Variants in TMEM260 observed in about 807,000 individuals in gnomAD.
TMEM260 encodes the protein protein O-mannosyl-transferase TMEM260.
TMEM260 carries 82 observed loss-of-function variants against 88.9 expected under a neutral mutation model. The ratio of observed to expected loss-of-function variants is 0.92; its 90% CI spans 0.77 to 1.11. TMEM260 has a LOEUF of 1.11. Among genes scored for constraint, TMEM260 ranks in the 50% least tolerant of loss-of-function variants. The pLI, the probability that TMEM260 is intolerant of heterozygous loss-of-function variation, is 0.00. For synonymous variants in TMEM260, 314 were observed against 309.3 expected, an observed-to-expected ratio of 1.02 and a Z score of -0.16; for missense variants, 902 against 853.4, an observed-to-expected ratio of 1.06 and a Z score of -0.71.
At chr14:56,580,177 C>T (rs975798065) in intron 1 of TMEM260, 103 bp downstream of exon 1, 1 of 1,001,308 alleles carries the variant, frequency 1.0e-6, no homozygotes, top group Middle Eastern at 3.4e-4. Context: ...CTGGTCAGCT[C>T]TGGGCCTCCA....
intron 12 of TMEM260, among the ~76,000 whole-genome samples, chr14:56,627,508 T>C (rs574692419): frequency 3.3e-5 from 5 of 152,194 alleles, no homozygotes; most frequent in Non-Finnish European, 7.3e-5. Flanking sequence ...ATTTTAACTA[T>C]AATAAAATTA....
chr14:56,579,775 T>G (rs886075040), upstream of TMEM260: 3 of 744,054 alleles, frequency 4.0e-6, no homozygotes, highest in African/African-American at 5.5e-5. Context: ...CGGAGAAAGG[T>G]GCGGTCCAAC....
At chr14:56,636,731 C>T (rs1283858052) in intron 15 of TMEM260, 133 bp downstream of exon 15, 19 of 763,434 alleles carry the variant, frequency 2.5e-5, no homozygotes, top group Non-Finnish European at 3.8e-5. Flanking sequence ...TGGTATAAAG[C>T]AGCACATATG....
chr14:56,617,460 GC>G (rs1245650825), intron 9 of TMEM260, among the ~76,000 whole-genome samples, 163 bp downstream of exon 9: 1 of 148,334 alleles, frequency 6.7e-6, no homozygotes, highest in Non-Finnish European at 1.5e-5. Context: ...TACAGCTAAG[GC>G]CTCTTTTTAG....
In TMEM260 at chr14:56,585,900, T is replaced by G; in HGVS notation, c.332T>G (p.Phe111Cys). ...FGAVAASLLFFTVFRLSGSSA... is the reference protein window; with the variant it reads ...FGAVAASLLFCTVFRLSGSSA... ...GCAGTAGCTGCATCATTACTTTTTT[T>G]CACCGTTTTCAGGTAAAGTAGTTGA... Residue 111 changes from phenylalanine (F) to cysteine (C), a missense_variant, in exon 3 of 16, where the codon TTC (phenylalanine) becomes TGC (cysteine). Transcript: ENST00000261556. The G allele has an allele frequency of 6.2e-7, 1 of 1,612,266 alleles. No homozygotes were observed. Among genetic ancestry groups the G allele is most frequent in the Non-Finnish European group, 8.5e-7 (1 of 1,179,358 alleles).
chr14:56,617,320 C>A, intron 9 of TMEM260, 23 bp downstream of exon 9: 1 of 1,474,716 alleles, frequency 6.8e-7, no homozygotes, highest in Admixed American at 2.0e-5. Context: ...TAGATATATC[C>A]TTTGACCAGA....
chr14:56,608,632 C>T (rs866358760), intron 5 of TMEM260, among the ~76,000 whole-genome samples: 3 of 151,986 alleles, frequency 2.0e-5, no homozygotes, highest in Non-Finnish European at 2.9e-5. Context: ...ATGTTCAAAA[C>T]GCTTGTAGAA....
intron 3 of TMEM260, among the ~76,000 whole-genome samples, chr14:56,589,906 G>A (rs1471984161): frequency 3.3e-5 from 5 of 152,108 alleles, no homozygotes; most frequent in South Asian, 2.1e-4. Flanking sequence ...TAGAGAATGC[G>A]GAATCTCTTG....
At position 56,605,631 on chromosome 14, in the gene TMEM260, T is replaced by C. The variant is rs1886850192; in HGVS notation, c.584T>C (p.Leu195Pro). The C allele has an allele frequency of 1.3e-6, 2 of 1,597,182 alleles. No homozygotes were observed. The change falls in exon 5 of 16, where the codon CTC (leucine) becomes CCC (proline). Residue 195 changes from leucine to proline, a missense_variant. Physicochemically the swap from Leu to Pro is moderately conservative, Grantham distance 98. Transcript: ENST00000261556. ...TTATGTAACCAGCACACAATAATAC[T>C]CTATGTTTTGTGCATAATACCTTGG... Reference protein sequence around the residue: ...LSLCNQHTIILYVLCIIPWIL... With the variant: ...LSLCNQHTIIPYVLCIIPWIL...
At chr14:56,654,264 C>A (rs954471184), downstream of TMEM260, among the ~76,000 whole-genome samples, 1 of 152,096 alleles carries the variant, frequency 6.6e-6, no homozygotes, top group Non-Finnish European at 1.5e-5. Context: ...AGAAAAAAGT[C>A]ACTTTGAAAT....
At position 56,647,667 on chromosome 14, in the gene TMEM260, G is replaced by T. The variant is rs4901706; in HGVS notation, c.*170G>T. ...TTTAATGGGGTATTCAGTGACTAAG[G>T]TCTGCTATTTATGCAAAATTCTGTT... On this transcript the variant is annotated 3_prime_UTR_variant, in exon 16 of 16. Transcript: ENST00000261556. The T allele has an allele frequency of 4.4e-6, 3 of 675,398 alleles. No homozygotes were observed. Among genetic ancestry groups the T allele is most frequent in the African/African-American group, 1.9e-5 (1 of 52,974 alleles). 41.8% of individuals were successfully genotyped at this position (675,398 alleles called of 1,614,324 possible). A position where few individuals can be genotyped will look rare whatever the true frequency, so the allele number is the denominator to read the frequency against.
At chr14:56,642,568 A>G (rs989802343) in intron 15 of TMEM260, among the ~76,000 whole-genome samples, 11 of 152,208 alleles carry the variant, frequency 7.2e-5, no homozygotes, top group African/African-American at 2.4e-5. Flanking sequence ...AAAGATCTAA[A>G]ATTGACACCC....
chr14:56,650,020 G>A (rs1365931344), downstream of TMEM260: 13 of 437,904 alleles, frequency 3.0e-5, no homozygotes, highest in Admixed American at 3.4e-4. Context: ...TTTCTATTAG[G>A]TGAGGTTAAA....
chr14:56,637,305 G>GAT (rs2139638765), intron 15 of TMEM260, among the ~76,000 whole-genome samples: 1 of 152,326 alleles, frequency 6.6e-6, no homozygotes, highest in East Asian at 1.9e-4. Flanking sequence ...CACTTGAAAT[G>GAT]ATAGGGCCTT....
the TMEM260 span, among the ~76,000 whole-genome samples, chr14:56,657,105 C>T: frequency 6.6e-6 from 1 of 152,116 alleles, no homozygotes; most frequent in Non-Finnish European, 1.5e-5. Context: ...AGGGACTTCT[C>T]AGAGAACAGT....
Position 56,648,699 on chromosome 14 carries a change from T to A in TMEM260, c.*1202T>A, listed in dbSNP as rs1174736894. ...CTCCTGTGGAGCTTGCATGGTTCCC[T>A]TTCATACTACGACCATAATTAAAAC... is the stretch of plus-strand genomic sequence containing the variant. On this transcript the variant is annotated 3_prime_UTR_variant, in exon 16 of 16. Coordinates refer to ENST00000261556, the MANE Select transcript of TMEM260 (RefSeq NM_017799.4). 6.6e-6 allele frequency: 1 copy of A among 152,650 alleles called. No homozygotes were observed. The highest frequency in any genetic ancestry group is 2.4e-5 in the African/African-American group (1 of 41,454). 9.5% of individuals were successfully genotyped at this position (152,650 alleles called of 1,614,324 possible).
rs1809636572 is a variant in TMEM260, at chr14:56,621,714, A to G, written c.1398+12A>G. On this transcript the variant is annotated intron_variant, in intron 11 of 15. Coordinates refer to ENST00000261556, the MANE Select transcript of TMEM260 (RefSeq NM_017799.4). The stretch of plus-strand genomic sequence containing the variant: ...TAGTGGATCAGGAAGTAAGTATATG[A>G]AAAATATACTTAGAATATAGCGATG... The G allele has an allele frequency of 6.3e-7, 1 of 1,587,518 alleles. No individual in the cohort carries two copies. The highest frequency in any genetic ancestry group is 8.6e-7 in the Non-Finnish European group (1 of 1,166,906).
At chr14:56,627,788 G>T (rs1888330296) in intron 12 of TMEM260, among the ~76,000 whole-genome samples, 1 of 152,090 alleles carries the variant, frequency 6.6e-6, no homozygotes, top group Non-Finnish European at 1.5e-5. Context: ...CTTGTTAGGG[G>T]GTGTGGTATA....
chr14:56,637,613 G>A (rs887912469), intron 15 of TMEM260, among the ~76,000 whole-genome samples: 3 of 152,194 alleles, frequency 2.0e-5, no homozygotes, highest in African/African-American at 7.2e-5. Context: ...ACAGAGGGTA[G>A]GACCTGTATA....
Sources: gnomAD v4.1 joint callset for allele counts (sites outside exome capture counted in the v4.1 genomes callset) on GRCh38, gnomAD v4.1.1 for gene constraint, MANE v1.5 for transcripts, NCBI Gene and HGNC (gene_info 2026-07-23, HGNC 2026-07-21) for gene names.